The following KIF17 variants were observed in gnomAD, a reference collection of about 807,000 sequenced individuals.
KIF17 encodes kinesin-like protein KIF17.
In KIF17, 80 loss-of-function variants were observed where a neutral mutation model predicts 96.8. The observed-to-expected ratio is 0.83, with a 90% CI of 0.69 to 1.00. KIF17 has a LOEUF of 1.00. KIF17 is among the 50% of genes least tolerant of loss of function. The pLI, the probability that KIF17 is intolerant of heterozygous loss-of-function variation, is 0.00. For missense variants in KIF17, 1,280 were observed against 1,372.9 expected (o/e 0.93, Z 1.07); for synonymous variants, 567 against 587.5 (o/e 0.97, Z 0.51).
intron 2 of KIF17, among the ~76,000 whole-genome samples, chr1:20,714,976 C>T (rs927260137): frequency 1.3e-5 from 2 of 152,162 alleles, no homozygotes; most frequent in Non-Finnish European, 2.9e-5. Context: ...CGCCATTCCC[C>T]GTGCACTGCC....
intron 12 of KIF17, among the ~76,000 whole-genome samples, chr1:20,671,628 C>G (rs1250593980): frequency 6.6e-6 from 1 of 152,192 alleles, no homozygotes; most frequent in Non-Finnish European, 1.5e-5. Flanking sequence ...AGCCACCATA[C>G]CTGGCCTATT....
At chr1:20,671,690 C>T (rs960311384) in intron 12 of KIF17, among the ~76,000 whole-genome samples, 1 of 152,184 alleles carries the variant, frequency 6.6e-6, no homozygotes, top group African/African-American at 2.4e-5. Context: ...TTATTCATCC[C>T]CATTTCACAG....
chr1:20,702,341 A>C (rs545446358), intron 5 of KIF17, among the ~76,000 whole-genome samples: 52 of 151,070 alleles, frequency 3.4e-4, no homozygotes, highest in African/African-American at 1.2e-3. Flanking sequence ...GCTAACAGCT[A>C]TCCTGGGGGC....
intron 13 of KIF17, among the ~76,000 whole-genome samples, chr1:20,668,559 G>A (rs2053575323): frequency 6.6e-6 from 1 of 152,142 alleles, no homozygotes; most frequent in Admixed American, 6.5e-5. Flanking sequence ...TCAAGCTCTA[G>A]ACCACCATGA....
At chr1:20,689,191 C>T (rs749268172) in intron 7 of KIF17, among the ~76,000 whole-genome samples, 14 of 152,130 alleles carry the variant, frequency 9.2e-5, no homozygotes, top group Admixed American at 2.0e-4. Flanking sequence ...GTACCCGGCA[C>T]GTGGTAATGT....
At chr1:20,690,677 T>C (rs1386465811) in intron 6 of KIF17, among the ~76,000 whole-genome samples, 2 of 148,784 alleles carry the variant, frequency 1.3e-5, no homozygotes, top group South Asian at 2.1e-4. Context: ...CATGCCACCA[T>C]CAGCAAAAAA....
chr1:20,704,481 G>A lies in KIF17; in HGVS notation c.1089C>T (p.Ile363=), dbSNP rs368449465. 6 of 1,614,072 alleles carry A rather than the reference G, an allele frequency of 3.7e-6. No individual in the cohort carries two copies. Among genetic ancestry groups the A allele is most frequent in the Non-Finnish European group, 4.2e-6 (5 of 1,180,020 alleles). The change falls in exon 5 of 15, where the codon ATC becomes ATT. Residue 363 remains isoleucine, a synonymous_variant. Coordinates refer to ENST00000400463, the MANE Select transcript of KIF17 (RefSeq NM_001122819.3). The surrounding 1 kb of genome is among the most constrained non-coding windows in gnomAD (Gnocchi z 6.8). The part of the protein sequence containing the change: ...YQEEIKKLKA[I]LTQQMSPSSL... ...TGCTGGGGCTCATCTGCTGTGTCAG[G>A]ATGGCCTTGAGCTTCTTGATCTCCT...
At chr1:20,707,398 C>T (rs1469253826) in intron 4 of KIF17, among the ~76,000 whole-genome samples, 1 of 152,104 alleles carries the variant, frequency 6.6e-6, no homozygotes, top group African/African-American at 2.4e-5. Flanking sequence ...TGCTTAGTGA[C>T]AGCAAGGGAG....
At chr1:20,664,898 G>C (rs2053498253) in intron 14 of KIF17, 136 bp from the exon 15 acceptor site, 5 of 825,232 alleles carry the variant, frequency 6.1e-6, no homozygotes, top group Non-Finnish European at 1.0e-5. Context: ...TGGCCCTGCA[G>C]CTGGGACCCC....
Position 20,686,102 on chromosome 1 carries a change from C to A in KIF17, c.1963G>T (p.Glu655Ter). The A allele has an allele frequency of 6.4e-7, 1 of 1,568,010 alleles. No individual in the cohort carries two copies. ...VQVPAPTDLL[E>*]PSDARPEAEA... ...GCTTCGGGCCTGGCATCACTGGGCT[C>A]CAGCAGGTCTGTCGGCGCAGGGACC... The change falls in exon 9 of 15, where the codon GAG becomes TAG. Residue 655 changes from glutamate to a stop codon, truncating the protein, a stop_gained. Transcript: ENST00000400463. LOFTEE classifies it high-confidence loss of function.
In KIF17 at chr1:20,717,752, G is replaced by A; in HGVS notation, c.-46C>T. 1.3e-6 allele frequency: 2 copies of A among 1,504,008 alleles called. No homozygotes were observed. The highest frequency in any genetic ancestry group is 1.8e-6 in the Non-Finnish European group (2 of 1,133,850). The allele number at this position is 1,504,008 out of a possible 1,614,324, so 93.2% of individuals were successfully genotyped here. On this transcript the variant is annotated 5_prime_UTR_variant, in exon 1 of 15. Coordinates refer to ENST00000400463, the MANE Select transcript of KIF17 (RefSeq NM_001122819.3). ...CGGGACCAGAGCTGACCCCCGCCCC[G>A]CCGGGGACTCCCAGCAGCCCGGGCC...
intron 13 of KIF17, among the ~76,000 whole-genome samples, chr1:20,667,085 C>T (rs568940008): frequency 6.6e-6 from 1 of 152,286 alleles, no homozygotes; most frequent in South Asian, 2.1e-4. Context: ...TTTCCAACCC[C>T]CAGGCCATGG....
chr1:20,713,351 G>A, intron 3 of KIF17, 103 bp downstream of exon 3: 1 of 816,550 alleles, frequency 1.2e-6, no homozygotes, highest in Non-Finnish European at 2.0e-6. Context: ...TAGCCTCCCA[G>A]TGCCGGCACC....
intron 6 of KIF17, chr1:20,694,143 G>A (rs1281807693): frequency 4.6e-5 from 7 of 151,830 alleles, no homozygotes; most frequent in Non-Finnish European, 5.9e-5. Context: ...TGTTCCCCAG[G>A]CTAGAGTGCA....
chr1:20,705,947 C>T (rs191816824), intron 4 of KIF17, among the ~76,000 whole-genome samples: 203 of 119,334 alleles, frequency 1.7e-3, no homozygotes, highest in Non-Finnish European at 2.6e-3. Context: ...CTCACTCTGT[C>T]GCCCAGGCTG....
intron 6 of KIF17, among the ~76,000 whole-genome samples, chr1:20,697,834 C>A (rs1383731023): frequency 6.6e-6 from 1 of 152,332 alleles, no homozygotes. Context: ...CATCGTCTGA[C>A]CCGCTGCTTC....
intron 6 of KIF17, among the ~76,000 whole-genome samples, chr1:20,698,142 C>T (rs923803793): frequency 2.0e-5 from 3 of 152,240 alleles, no homozygotes; most frequent in Non-Finnish European, 4.4e-5. Context: ...CACGCAGGCC[C>T]TAAGGCGGCA....
Position 20,671,945 on chromosome 1 carries a change from G to A in KIF17, c.2715C>T (p.Leu905=). 6.2e-7 allele frequency: 1 copy of A among 1,613,570 alleles called. No homozygotes were observed. Among genetic ancestry groups the A allele is most frequent in the Non-Finnish European group, 8.5e-7 (1 of 1,180,002 alleles). The part of the protein sequence containing the change: ...IPHPVITKTS[L]PVVSTGPQNK... ...GCCAGCCAAGCTCCTGACCTACTGG[G>A]AGGCTGGTTTTTGTGATGACGGGAT... is the stretch of plus-strand genomic sequence containing the variant. The change falls in exon 12 of 15, where the codon CTC becomes CTT. Residue 905 remains leucine, a synonymous_variant. Transcript: ENST00000400463.
At chr1:20,665,544 C>T (rs2053512800) in intron 14 of KIF17, among the ~76,000 whole-genome samples, 2 of 151,774 alleles carry the variant, frequency 1.3e-5, no homozygotes, top group Admixed American at 1.3e-4. Context: ...GGATTACAGG[C>T]ACACGCCACT....
Sources: allele counts gnomAD v4.1 joint callset (sites outside exome capture counted in the v4.1 genomes callset), GRCh38; gene constraint gnomAD v4.1.1; non-coding constraint Gnocchi (gnomAD v3.1); transcripts MANE v1.5; gene names NCBI Gene and HGNC (gene_info 2026-07-23, HGNC 2026-07-21).